The following KIF1A variants were observed in gnomAD, a reference collection of about 807,000 sequenced individuals.
KIF1A encodes kinesin family member 1A.
Under a neutral mutation model 227.3 loss-of-function variants are expected in KIF1A, and 46 were observed. The observed-to-expected ratio is 0.20, with a 90% CI of 0.16 to 0.26. KIF1A has a LOEUF of 0.26. Ranked by LOEUF, KIF1A falls within the 10% of genes least tolerant of loss-of-function variation. The probability of loss-of-function intolerance (pLI) is 1.00; values close to 1 mark genes in which losing one functional copy is unlikely to be tolerated. For missense variants in KIF1A, 1,683 were observed against 2,485.9 expected (o/e 0.68, Z 6.87); for synonymous variants, 1,022 against 1,012.8 (o/e 1.01, Z -0.17).
At position 240,769,841 on chromosome 2, in the gene KIF1A, T is replaced by C. The variant is rs1408107657; in HGVS notation, c.1342-135A>G. 8.0e-6 allele frequency: 5 copies of C among 626,814 alleles called. No individual in the cohort carries two copies. The East Asian group carries it at 1.1e-4, about 14-fold the overall frequency. 38.8% of individuals were successfully genotyped at this position (626,814 alleles called of 1,614,324 possible). A position where few individuals can be genotyped will look rare whatever the true frequency, so the allele number is the denominator to read the frequency against. On this transcript the variant is annotated intron_variant, in intron 15 of 48. Coordinates refer to ENST00000498729, the MANE Select transcript of KIF1A (RefSeq NM_001244008.2). ...CTGGGCCCGACAAGGCAACGAGGCATCCAGAAGACCAAGGTAAAGCTCAGA... is the reference window on the plus strand; with the variant it reads ...CTGGGCCCGACAAGGCAACGAGGCACCCAGAAGACCAAGGTAAAGCTCAGA...
rs1011635171 is a variant in KIF1A at position 240,752,099 on chromosome 2, C to T, written c.2859-1552G>A. Among the ~76,000 whole-genome samples the T allele has an allele frequency of 1.3e-5, 2 of 152,024 alleles. No homozygotes were observed. The highest frequency in any genetic ancestry group is 2.4e-5 in the African/African-American group (1 of 41,410). On this transcript the variant is annotated intron_variant, in intron 27 of 48. Transcript: ENST00000498729. This position sits in a 1 kb window ranked among gnomAD's most constrained non-coding sequence, Gnocchi z 6.4. ...CTGAAAGTCTCCTCAGGCCTCTCTC[C>T]GGGGGTAAAGGAAGCCCCTGGTGGC...
Position 240,788,041 on chromosome 2 carries a change from C to CCCCGCG in KIF1A, c.363+9_363+10insCGCGGG. 8 of 1,520,632 alleles carry CCCCGCG rather than the reference C, an allele frequency of 5.3e-6. No individual in the cohort carries two copies. Among genetic ancestry groups the CCCCGCG allele is most frequent in the Non-Finnish European group, 7.1e-6 (8 of 1,121,268 alleles). 94.2% of individuals were successfully genotyped at this position (1,520,632 alleles called of 1,614,324 possible). ...GCCAGGGCTGCCCCCGCCCGCCCCCCGCTTCGTGCCTGTGGGATGATGCCC... is the reference window on the plus strand; with the variant it reads ...GCCAGGGCTGCCCCCGCCCGCCCCCCCCCGCGGCTTCGTGCCTGTGGGATGATGCCC... On this transcript the variant is annotated intron_variant, in intron 4 of 48. Coordinates refer to ENST00000498729, the MANE Select transcript of KIF1A (RefSeq NM_001244008.2). The surrounding 1 kb of genome is among the most constrained non-coding windows in gnomAD (Gnocchi z 6.6).
In KIF1A at chr2:240,775,910, T is replaced by C. The variant is rs1231327906; in HGVS notation, c.899A>G (p.Lys300Arg). 2 of 1,610,262 alleles carry C rather than the reference T, an allele frequency of 1.2e-6. No homozygotes were observed. Among genetic ancestry groups the C allele is most frequent in the Middle Eastern group, 1.7e-4 (1 of 6,060 alleles). The change falls in exon 11 of 49, where the codon AAG (lysine) becomes AGG (arginine). Residue 300 changes from lysine to arginine, a missense_variant. Lys to Arg is a conservative substitution (Grantham distance 26). Around this residue, in one of 12 missense-constraint regions of KIF1A, gnomAD observed 15 missense variants for 16.1 expected, o/e 0.93. Coordinates refer to ENST00000498729, the MANE Select transcript of KIF1A (RefSeq NM_001244008.2). The surrounding 1 kb of genome is among the most constrained non-coding windows in gnomAD (Gnocchi z 5.5). Reference protein sequence around the residue: ...SGPNKNKKKKKTDFIPYRDSV... With the variant: ...SGPNKNKKKKRTDFIPYRDSV... ...ATCTCGGTACGGAATGAAATCTGTC[T>C]TCTTCTTTTTCTTGTTCTGTGGGGG...
At chr2:240,717,854 C>G (rs545641849) in intron 48 of KIF1A, among the ~76,000 whole-genome samples, 196 bp downstream of exon 48, 13 of 152,290 alleles carry the variant, frequency 8.5e-5, no homozygotes, top group African/African-American at 3.1e-4. Flanking sequence ...GGCAGCCTTG[C>G]GGGCAGGACC....
intron 8 of KIF1A, 148 bp downstream of exon 8, chr2:240,783,591 C>T: frequency 1.6e-6 from 1 of 632,924 alleles, no homozygotes; most frequent in Non-Finnish European, 2.7e-6. Context: ...GCTGGCAGCC[C>T]AAGACCCCAG....
chr2:240,774,283 G>A (rs746412289), intron 11 of KIF1A, 22 bp from the exon 12 acceptor site: 3 of 1,556,966 alleles, frequency 1.9e-6, no homozygotes, highest in East Asian at 2.3e-5. Flanking sequence ...AGACCAGGTT[G>A]TGCCCAGAGG....
intron 38 of KIF1A, among the ~76,000 whole-genome samples, chr2:240,732,102 A>G (rs1187644796): frequency 4.3e-5 from 1 of 23,266 alleles, no homozygotes; most frequent in Admixed American, 4.6e-4. Flanking sequence ...GGGAGGAGAG[A>G]ATGAGGGGAG....
chr2:240,743,643 G>C (rs553079802), intron 33 of KIF1A, among the ~76,000 whole-genome samples: 1 of 152,130 alleles, frequency 6.6e-6, no homozygotes, highest in African/African-American at 2.4e-5. Flanking sequence ...TGGTCTCCCC[G>C]GGGCCACCCC....
intron 28 of KIF1A, 75 bp from the exon 29 acceptor site, chr2:240,747,396 CCA>C: frequency 8.4e-7 from 1 of 1,183,970 alleles, no homozygotes; most frequent in Non-Finnish European, 1.2e-6. Context: ...CCAGGCTGGG[CCA>C]CCCCGCAGTC....
At chr2:240,820,289 G>A (rs895607503), upstream of KIF1A, 3 of 150,626 alleles carry the variant, frequency 2.0e-5, no homozygotes, top group African/African-American at 7.3e-5. The surrounding 1 kb of genome is among the most constrained non-coding windows in gnomAD (Gnocchi z 6.2). Context: ...CGAGGCGCTG[G>A]TTGGCTGCGC....
rs2044422187 is a variant in KIF1A, at chr2:240,714,352, C to T, written c.*3012G>A. The T allele has an allele frequency of 6.6e-6, 1 of 152,348 alleles. No individual in the cohort carries two copies. The highest frequency in any genetic ancestry group is 1.5e-5 in the Non-Finnish European group (1 of 68,090). The allele number at this position is 152,348 out of a possible 1,614,324, so 9.4% of individuals were successfully genotyped here. ...CCCCTAGGCACTGGCCGTGTCCCATCAGATCCCAAGTGCTGGTCGGCCTGG... is the reference window on the plus strand; with the variant it reads ...CCCCTAGGCACTGGCCGTGTCCCATTAGATCCCAAGTGCTGGTCGGCCTGG... On this transcript the variant is annotated 3_prime_UTR_variant, in exon 49 of 49. Coordinates refer to ENST00000498729, the MANE Select transcript of KIF1A (RefSeq NM_001244008.2).
intron 17 of KIF1A, 30 bp downstream of exon 17, chr2:240,769,103 G>C (rs768832487): frequency 2.6e-5 from 41 of 1,570,002 alleles, no homozygotes; most frequent in Admixed American, 1.1e-4. Context: ...TCAGATGAGG[G>C]CAGTACCACA....
At chr2:240,720,770 A>T in intron 45 of KIF1A, 144 bp downstream of exon 45, 1 of 995,434 alleles carries the variant, frequency 1.0e-6, no homozygotes, top group Non-Finnish European at 1.4e-6. Flanking sequence ...CCACTCCTCC[A>T]GGCCCTTCCC....
At chr2:240,731,367 C>A (rs1249594440) in intron 38 of KIF1A, among the ~76,000 whole-genome samples, 1 of 152,216 alleles carries the variant, frequency 6.6e-6, no homozygotes, top group East Asian at 1.9e-4. Context: ...GAGGAATGCA[C>A]GGACTTTGAG....
At chr2:240,762,859 G>A in intron 22 of KIF1A, 47 bp from the exon 23 acceptor site, 1 of 1,522,446 alleles carries the variant, frequency 6.6e-7, no homozygotes, top group Non-Finnish European at 8.9e-7. Context: ...TACCTGCCTG[G>A]GCCTCTCACA....
rs545994140 is a variant in KIF1A at position 240,782,793 on chromosome 2, C to T, written c.865-186G>A. Among the ~76,000 whole-genome samples the T allele has an allele frequency of 1.5e-4, 23 of 152,268 alleles. No individual in the cohort carries two copies. In the South Asian group the frequency reaches 4.8e-3, roughly 32 times the overall value. On this transcript the variant is annotated intron_variant, in intron 9 of 48. Transcript: ENST00000498729. ...CAGGGCCGCCCTTCCCGGGCCCAGGCCTGGGCTGCCTGCTGCACGGGGCCA... is the reference window on the plus strand; with the variant it reads ...CAGGGCCGCCCTTCCCGGGCCCAGGTCTGGGCTGCCTGCTGCACGGGGCCA...
rs115623914 is a variant in KIF1A at position 240,726,803 on chromosome 2, G to A, written c.4122+23C>T. On this transcript the variant is annotated intron_variant, in intron 39 of 48. Coordinates refer to ENST00000498729, the MANE Select transcript of KIF1A (RefSeq NM_001244008.2). The surrounding 1 kb of genome is among the most constrained non-coding windows in gnomAD (Gnocchi z 5.2). ...TCAGGGGCTGAGTGGTTTTGGTGGA[G>A]TGCCCTGGCATAGGTGCCTTGCCTC... The A allele has an allele frequency of 2.0e-3, 2,966 of 1,459,188 alleles. 47 individuals carry two copies. In the African/African-American group the frequency reaches 0.036, roughly 18 times the overall value. 90.4% of individuals were successfully genotyped at this position (1,459,188 alleles called of 1,614,324 possible).
rs376290711 is a variant in KIF1A at position 240,787,330 on chromosome 2, G to C, written c.364-14C>G. On this transcript the variant is annotated splice_polypyrimidine_tract_variant and intron_variant, in intron 4 of 48. Transcript: ENST00000498729. Reference sequence around the variant, plus strand: ...GTCCTCGCAGAGCTGCAGGAATGGGGGGACAGTCAGCCAGGGAGGGCTGGG... The same window carrying C: ...GTCCTCGCAGAGCTGCAGGAATGGGCGGACAGTCAGCCAGGGAGGGCTGGG... 148 of 1,612,036 alleles carry C rather than the reference G, an allele frequency of 9.2e-5. No individual in the cohort carries two copies. The African/African-American group carries it at 1.8e-3, about 20-fold the overall frequency.
At chr2:240,724,176 A>G in intron 40 of KIF1A, 140 bp from the exon 41 acceptor site, 1 of 746,782 alleles carries the variant, frequency 1.3e-6, no homozygotes. Context: ...TCCCTGAGCT[A>G]CAGCCCCTGT....
Sources: allele counts gnomAD v4.1 joint callset (sites outside exome capture counted in the v4.1 genomes callset), GRCh38; gene constraint gnomAD v4.1.1; regional missense constraint gnomAD v4.1.1; non-coding constraint Gnocchi (gnomAD v3.1); transcripts MANE v1.5; gene names NCBI Gene and HGNC (gene_info 2026-07-23, HGNC 2026-07-21).